The following RPS6KC1 variants were observed in gnomAD, a reference collection of about 807,000 sequenced individuals.
RPS6KC1 encodes the protein ribosomal protein S6 kinase C1.
A neutral mutation model predicts 103.8 loss-of-function variants in RPS6KC1; 54 were observed. That is an observed-to-expected ratio of 0.52 (90% CI 0.42 to 0.65). RPS6KC1 has a LOEUF of 0.65. Among genes scored for constraint, RPS6KC1 ranks in the 30% least tolerant of loss-of-function variants. RPS6KC1 has a pLI of 0.00. For missense variants in RPS6KC1, 1,151 were observed against 1,253.8 expected (o/e 0.92, Z 1.24); for synonymous variants, 439 against 438.7 (o/e 1.00, Z -0.01).
At chr1:213,743,715 G>A in the RPS6KC1 span, among the ~76,000 whole-genome samples, 2 of 152,160 alleles carry the variant, frequency 1.3e-5, no homozygotes, top group African/African-American at 4.8e-5. Context: ...TCATGGGAGA[G>A]GCACCACCCA....
chr1:213,768,525 A>T, the RPS6KC1 span, among the ~76,000 whole-genome samples: 12 of 152,238 alleles, frequency 7.9e-5, no homozygotes, highest in African/African-American at 2.9e-4. Context: ...CATTTGAAAG[A>T]TTCCTCCTTA....
the RPS6KC1 span, among the ~76,000 whole-genome samples, chr1:213,307,613 G>A: frequency 6.6e-6 from 1 of 152,204 alleles, no homozygotes; most frequent in Non-Finnish European, 1.5e-5. Context: ...GTATCAGTAT[G>A]ATTCTTTAAC....
the RPS6KC1 span, among the ~76,000 whole-genome samples, chr1:213,691,185 T>A: frequency 2.0e-5 from 3 of 152,214 alleles, no homozygotes; most frequent in Non-Finnish European, 4.4e-5. Flanking sequence ...AGGTACCCTA[T>A]CTTTTGCTGT....
chr1:213,342,698 A>T, the RPS6KC1 span, among the ~76,000 whole-genome samples: 1 of 152,182 alleles, frequency 6.6e-6, no homozygotes, highest in Admixed American at 6.5e-5. Flanking sequence ...CTTTTAACAC[A>T]AAAGTCTACA....
At chr1:213,134,289 C>T (rs1236714575) in intron 6 of RPS6KC1, among the ~76,000 whole-genome samples, 1 of 151,754 alleles carries the variant, frequency 6.6e-6, no homozygotes, top group Non-Finnish European at 1.5e-5. Context: ...CCATTATTTC[C>T]CCCTGCCCTT....
rs544332007 is a variant in RPS6KC1 at position 213,059,671 on chromosome 1, A to G, written c.105+8162A>G. On this transcript the variant is annotated intron_variant, in intron 1 of 14. Transcript: ENST00000366960. The stretch of plus-strand genomic sequence containing the variant: ...TGGGATTACAGGCATGTGCTACCAC[A>G]CCGGCTAATTTTTTTTTTTTGAGAC... Among the ~76,000 whole-genome samples, 5 of 149,018 alleles carry G rather than the reference A, an allele frequency of 3.4e-5. No individual in the cohort carries two copies. In the South Asian group the frequency reaches 1.1e-3, roughly 31 times the overall value.
the RPS6KC1 span, among the ~76,000 whole-genome samples, chr1:213,827,154 CG>C: frequency 7.0e-4 from 107 of 152,218 alleles, 1 homozygote; most frequent in African/African-American, 2.5e-3. Flanking sequence ...TGCAGAGAGC[CG>C]GGCATAGTTT....
At chr1:213,526,200 G>A in the RPS6KC1 span, among the ~76,000 whole-genome samples, 1 of 152,166 alleles carries the variant, frequency 6.6e-6, no homozygotes, top group Non-Finnish European at 1.5e-5. Context: ...TCGATTGAAT[G>A]TTTACATATT....
chr1:213,281,718 G>A, the RPS6KC1 span, among the ~76,000 whole-genome samples: 3 of 152,264 alleles, frequency 2.0e-5, no homozygotes, highest in Non-Finnish European at 2.9e-5. Context: ...TCTCCACTGT[G>A]GGCTATCATG....
At chr1:213,675,103 T>C in the RPS6KC1 span, among the ~76,000 whole-genome samples, 1 of 152,230 alleles carries the variant, frequency 6.6e-6, no homozygotes, top group Non-Finnish European at 1.5e-5. Flanking sequence ...GTCTACTCTG[T>C]TGATAGTTAC....
At chr1:213,778,118 G>A in the RPS6KC1 span, among the ~76,000 whole-genome samples, 2 of 152,160 alleles carry the variant, frequency 1.3e-5, no homozygotes, top group Non-Finnish European at 2.9e-5. Flanking sequence ...GACCAGTGTA[G>A]CCTCATGGTC....
chr1:213,829,889 T>C, the RPS6KC1 span, among the ~76,000 whole-genome samples: 1 of 152,212 alleles, frequency 6.6e-6, no homozygotes, highest in Non-Finnish European at 1.5e-5. Context: ...ATTAATAAAT[T>C]TAAAATGTGC....
the RPS6KC1 span, among the ~76,000 whole-genome samples, chr1:213,365,985 T>C: frequency 5.4e-4 from 83 of 152,376 alleles, no homozygotes; most frequent in Admixed American, 2.5e-3. Flanking sequence ...ATCTAGAGCC[T>C]TGGTCTCAAA....
chr1:213,608,289 C>A, the RPS6KC1 span, among the ~76,000 whole-genome samples: 1 of 152,146 alleles, frequency 6.6e-6, no homozygotes, highest in African/African-American at 2.4e-5. Context: ...GTGCCCAGGT[C>A]CCAGCAGGGG....
At chr1:213,602,873 A>G in the RPS6KC1 span, among the ~76,000 whole-genome samples, 1,516 of 152,256 alleles carry the variant, frequency 1.0e-2, 11 homozygotes, top group Non-Finnish European at 0.014. Context: ...GGTACCCTTT[A>G]TATTTTCCCC....
At chr1:213,681,262 T>A in the RPS6KC1 span, among the ~76,000 whole-genome samples, 1 of 152,176 alleles carries the variant, frequency 6.6e-6, no homozygotes. Flanking sequence ...CTGGTCACAG[T>A]GGGGCTGGGT....
At chr1:213,320,393 TATGGTTTTACC>T in the RPS6KC1 span, among the ~76,000 whole-genome samples, 1 of 152,252 alleles carries the variant, frequency 6.6e-6, no homozygotes, top group African/African-American at 2.4e-5. Flanking sequence ...GCGGGCTTGT[TATGGTTTTACC>T]ATGGGCTGGG....
At chr1:213,285,235 C>G in the RPS6KC1 span, among the ~76,000 whole-genome samples, 1 of 152,150 alleles carries the variant, frequency 6.6e-6, no homozygotes, top group Non-Finnish European at 1.5e-5. Context: ...AGGAAGCAAG[C>G]TCTCTGTGAC....
chr1:213,062,743 G>A (rs1293432312), intron 1 of RPS6KC1, among the ~76,000 whole-genome samples: 1 of 152,078 alleles, frequency 6.6e-6, no homozygotes, highest in African/African-American at 2.4e-5. Flanking sequence ...TTTTAGTAGA[G>A]ACAGGGTTTC....
Sources: allele counts gnomAD v4.1 joint callset (sites outside exome capture counted in the v4.1 genomes callset), GRCh38; gene constraint gnomAD v4.1.1; transcripts MANE v1.5; gene names NCBI Gene and HGNC (gene_info 2026-07-23, HGNC 2026-07-21).